The following SIPA1 variants were observed in gnomAD, a reference collection of about 807,000 sequenced individuals.
SIPA1 encodes signal-induced proliferation-associated protein 1.
In SIPA1, 51 loss-of-function variants were observed where a neutral mutation model predicts 88.1. That is an observed-to-expected ratio of 0.58 (90% CI 0.46 to 0.73). SIPA1 has a LOEUF of 0.73. Ranked by LOEUF, SIPA1 falls within the 30% of genes least tolerant of loss-of-function variation. SIPA1 has a pLI of 0.00. For missense variants in SIPA1, 1,348 were observed against 1,467.6 expected (o/e 0.92, Z 1.33); for synonymous variants, 681 against 664.8 (o/e 1.02, Z -0.37).
Position 65,650,692 on chromosome 11 carries a change from T to G in SIPA1, c.3106T>G (p.Ser1036Ala), listed in dbSNP as rs1319225623. The G allele has an allele frequency of 6.3e-7, 1 of 1,580,958 alleles. No individual in the cohort carries two copies. The highest frequency in any genetic ancestry group is 1.3e-5 in the African/African-American group (1 of 74,308). Reference sequence around the variant, plus strand: ...CCTCCTGGCCTCCAAGCAGCTGGGCTCACCCACCGCCGACCTGGCCTGAGC... The same window carrying G: ...CCTCCTGGCCTCCAAGCAGCTGGGCGCACCCACCGCCGACCTGGCCTGAGC... ...RLLLASKQLG[S>A]PTADLA Residue 1036 changes from serine to alanine, a missense_variant, in exon 16 of 16, where the codon TCA (serine) becomes GCA (alanine). By Grantham distance (99) the Ser-to-Ala change is moderately conservative. Around this residue, in one of 4 missense-constraint regions of SIPA1, gnomAD observed 615 missense variants for 559.8 expected, o/e 1.10. Transcript: ENST00000534313.
At position 65,645,125 on chromosome 11, in the gene SIPA1, C is replaced by G. The variant is rs775402420; in HGVS notation, c.1155C>G (p.Thr385=). 6.2e-7 allele frequency: 1 copy of G among 1,613,030 alleles called. No individual in the cohort carries two copies. Among genetic ancestry groups the G allele is most frequent in the African/African-American group, 1.3e-5 (1 of 74,868 alleles). Reference sequence around the variant, plus strand: ...AGAGTTACCGGGCCCAGCTAGACACCAAAAGTGAGGCCCAGGGGCAGGAGG... The same window carrying G: ...AGAGTTACCGGGCCCAGCTAGACACGAAAAGTGAGGCCCAGGGGCAGGAGG... ...GFESYRAQLD[T]KTDSTGTHSL... The change falls in exon 5 of 16, where the codon ACC becomes ACG. Residue 385 remains threonine, a synonymous_variant. Coordinates refer to ENST00000534313, the MANE Select transcript of SIPA1 (RefSeq NM_006747.4).
chr11:65,642,269 G>C lies in SIPA1; in HGVS notation c.699G>C (p.Gly233=), dbSNP rs957618116. The C allele has an allele frequency of 6.4e-7, 1 of 1,555,486 alleles. No homozygotes were observed. The highest frequency in any genetic ancestry group is 1.2e-5 in the South Asian group (1 of 84,292). The change falls in exon 3 of 16, where the codon GGG becomes GGC. Residue 233 remains glycine, a synonymous_variant. Transcript: ENST00000534313. The surrounding 1 kb of genome is among the most constrained non-coding windows in gnomAD (Gnocchi z 6.5). ...FYGKEHQNFF[G]MDESLGPVAV... The stretch of plus-strand genomic sequence containing the variant: ...CCCCAGAACATCAGAACTTCTTCGG[G>C]ATGGACGAGTCGCTGGGCCCGGTGG...
In SIPA1 at chr11:65,642,245, C is replaced by G. The variant is rs1436746889; in HGVS notation, c.680-5C>G. 6.4e-7 allele frequency: 1 copy of G among 1,551,468 alleles called. No homozygotes were observed. Among genetic ancestry groups the G allele is most frequent in the East Asian group, 2.4e-5 (1 of 41,270 alleles). On this transcript the variant is annotated splice_region_variant and splice_polypyrimidine_tract_variant and intron_variant, in intron 2 of 15. Coordinates refer to ENST00000534313, the MANE Select transcript of SIPA1 (RefSeq NM_006747.4). This position sits in a 1 kb window ranked among gnomAD's most constrained non-coding sequence, Gnocchi z 6.5. ...CCAATCGTTTTCTTCGGCGCGGTCC[C>G]CCAGAACATCAGAACTTCTTCGGGA... is the stretch of plus-strand genomic sequence containing the variant.
At chr11:65,647,974 C>G (rs910660443) in intron 9 of SIPA1, among the ~76,000 whole-genome samples, 1 of 151,916 alleles carries the variant, frequency 6.6e-6, no homozygotes, top group Admixed American at 6.6e-5. Flanking sequence ...CAGGTTCAAG[C>G]AGTTCTCCTG....
Position 65,646,678 on chromosome 11 carries a change from G to A in SIPA1, c.1644G>A (p.Ser548=). 6.5e-7 allele frequency: 1 copy of A among 1,543,568 alleles called. No homozygotes were observed. ...CCACCAACGAGGTGACCACTACGTC[G>A]CTGGACTCGGCTTCACGCTTCGGCC... ...DLATNEVTTT[S]LDSASRFGLP... The change falls in exon 8 of 16, where the codon TCG becomes TCA. Residue 548 remains serine (S), a synonymous_variant. Transcript: ENST00000534313. The surrounding 1 kb of genome is among the most constrained non-coding windows in gnomAD (Gnocchi z 7.5).
chr11:65,642,526 T>C lies in SIPA1; in HGVS notation c.871T>C (p.Ser291Pro), dbSNP rs760548783. ...GCCGCCGGGGCCCCCACGGGGTCTG[T>C]CCCCAAGGAAACTTCTGGAGCACGT... ...ALPPGPPRGL[S>P]PRKLLEHVAP... The change falls in exon 4 of 16, where the codon TCC becomes CCC. Residue 291 changes from serine to proline, a missense_variant. Physicochemically the swap from Ser to Pro is moderately conservative, Grantham distance 74. This residue lies in a region of SIPA1 where 641 missense variants were observed against 797.7 expected (regional missense o/e 0.80). Coordinates refer to ENST00000534313, the MANE Select transcript of SIPA1 (RefSeq NM_006747.4). The surrounding 1 kb of genome is among the most constrained non-coding windows in gnomAD (Gnocchi z 6.5). The C allele has an allele frequency of 3.4e-5, 55 of 1,608,684 alleles. No homozygotes were observed. Among genetic ancestry groups the C allele is most frequent in the Non-Finnish European group, 8.5e-7 (1 of 1,179,296 alleles).
In SIPA1 at chr11:65,640,974, C is replaced by T. The variant is rs373617916; in HGVS notation, c.53C>T (p.Ala18Val). ...AGCCCTCGGCGGGGCATGGCCCCTGCGTCCACAGATGACCTCTTTGCCCGC... is the reference window on the plus strand; with the variant it reads ...AGCCCTCGGCGGGGCATGGCCCCTGTGTCCACAGATGACCTCTTTGCCCGC... ...VGSPRRGMAP[A>V]STDDLFARKL... The change falls in exon 2 of 16, where the codon GCG becomes GTG. Residue 18 changes from alanine (A) to valine (V), a missense_variant. Coordinates refer to ENST00000534313, the MANE Select transcript of SIPA1 (RefSeq NM_006747.4). 3.4e-5 allele frequency: 54 copies of T among 1,574,328 alleles called. No individual in the cohort carries two copies. The South Asian group carries it at 4.2e-4, about 12-fold the overall frequency.
rs1855990363 is a variant in SIPA1 at position 65,641,008 on chromosome 11, C to G, written c.87C>G (p.Arg29=). The change falls in exon 2 of 16, where the codon CGC becomes CGG. Residue 29 remains arginine, a synonymous_variant. Coordinates refer to ENST00000534313, the MANE Select transcript of SIPA1 (RefSeq NM_006747.4). ...STDDLFARKL[R]QPARPPLTPH... is the part of the protein sequence containing the mutation. ...ATGACCTCTTTGCCCGCAAGCTGCG[C>G]CAGCCAGCAAGGCCCCCGCTGACAC... is the stretch of plus-strand genomic sequence containing the variant. The G allele has an allele frequency of 6.3e-7, 1 of 1,590,640 alleles. No homozygotes were observed. Among genetic ancestry groups the G allele is most frequent in the Non-Finnish European group, 8.5e-7 (1 of 1,174,016 alleles).
chr11:65,644,346 T>G (rs1482077282), intron 4 of SIPA1, among the ~76,000 whole-genome samples: 1 of 145,554 alleles, frequency 6.9e-6, no homozygotes, highest in African/African-American at 2.6e-5. Flanking sequence ...CACCTATGGC[T>G]GAGAGGGTAC....
In SIPA1 at chr11:65,650,714, G is replaced by GAGCC; in HGVS notation, c.3129_*3dup. The GAGCC allele has an allele frequency of 6.4e-7, 1 of 1,570,782 alleles. No individual in the cohort carries two copies. Among genetic ancestry groups the GAGCC allele is most frequent in the Non-Finnish European group, 8.6e-7 (1 of 1,158,206 alleles). ...GGCTCACCCACCGCCGACCTGGCCT[G>GAGCC]AGCCGTCTGGAACCACCTGGGCCCC... On this transcript the variant is annotated frameshift_variant and stop_retained_variant, in exon 16 of 16. Coordinates refer to ENST00000534313, the MANE Select transcript of SIPA1 (RefSeq NM_006747.4). LOFTEE classifies it high-confidence loss of function.
rs145098898 is a variant in SIPA1, at chr11:65,650,630, G to T, written c.3044G>T (p.Arg1015Leu). The stretch of plus-strand genomic sequence containing the variant: ...CGGAGCCTGAGACACAACAACCGGC[G>T]GCTGCAGGCGGAGTCTGAGAGTGCA... Reference protein sequence around the residue: ...EVRSLRHNNRRLQAESESAAT... With the variant: ...EVRSLRHNNRLLQAESESAAT... The change falls in exon 16 of 16, where the codon CGG becomes CTG. Residue 1015 changes from arginine (R) to leucine (L), a missense_variant. Physicochemically the swap from Arg to Leu is moderately radical, Grantham distance 102 (BLOSUM62 -2). Transcript: ENST00000534313. 2,534 of 1,573,542 alleles carry T rather than the reference G, an allele frequency of 1.6e-3. 4 individuals are homozygous for T. Among genetic ancestry groups the T allele is most frequent in the Non-Finnish European group, 2.1e-3 (2,423 of 1,159,482 alleles).
intron 14 of SIPA1, 101 bp from the exon 15 acceptor site, chr11:65,650,300 T>C: frequency 6.5e-7 from 1 of 1,536,270 alleles, no homozygotes. Flanking sequence ...CACATATGCC[T>C]AGAAGACCAG....
chr11:65,646,803 G>A lies in SIPA1; in HGVS notation c.1769G>A (p.Gly590Glu). 1 of 1,292,118 alleles carries A rather than the reference G, an allele frequency of 7.7e-7. No homozygotes were observed. Among genetic ancestry groups the A allele is most frequent in the Non-Finnish European group, 9.8e-7 (1 of 1,022,158 alleles). The allele number at this position is 1,292,118 out of a possible 1,614,324, so 80.0% of individuals were successfully genotyped here. A position where few individuals can be genotyped will look rare whatever the true frequency, so the allele number is the denominator to read the frequency against. The change falls in exon 8 of 16, where the codon GGG becomes GAG. Residue 590 changes from glycine (G) to glutamate (E), a missense_variant. Transcript: ENST00000534313. The surrounding 1 kb of genome is among the most constrained non-coding windows in gnomAD (Gnocchi z 7.5). The stretch of plus-strand genomic sequence containing the variant: ...GTGTGGGGAGTGCGCGCGGCGCCCG[G>A]GGCGCGGGTCGCCGCCGGGGCTCAG... ...SLVWGVRAAP[G>E]ARVAAGAQAS...
At chr11:65,647,856 C>CCT (rs10652518) in intron 9 of SIPA1, among the ~76,000 whole-genome samples, 198 bp downstream of exon 9, 1 of 147,088 alleles carries the variant, frequency 6.8e-6, no homozygotes, top group African/African-American at 2.4e-5. Context: ...GTCCTTCCTT[C>CCT]CTCTCTCTCT....
intron 14 of SIPA1, 23 bp from the exon 15 acceptor site, chr11:65,650,378 A>T (rs1282913626): frequency 1.2e-6 from 2 of 1,611,626 alleles, no homozygotes; most frequent in African/African-American, 2.7e-5. Context: ...GGTCCTGCTG[A>T]GTCTTGACCC....
chr11:65,645,734 C>T (rs952241344), intron 5 of SIPA1, 120 bp from the exon 6 acceptor site: 4 of 635,964 alleles, frequency 6.3e-6, no homozygotes, highest in Non-Finnish European at 1.1e-5. Context: ...GGTGGCATGA[C>T]TGGTTGTCCA....
rs1856115651 is a variant in SIPA1 at position 65,646,394 on chromosome 11, G to A, written c.1421+16G>A. On this transcript the variant is annotated intron_variant, in intron 7 of 15. Transcript: ENST00000534313. This position sits in a 1 kb window ranked among gnomAD's most constrained non-coding sequence, Gnocchi z 7.5. ...CCACCTACAGGTGGGCACCGGAGTGGTCCCAGGTCTCCCGTGGGCATGGAG... is the reference window on the plus strand; with the variant it reads ...CCACCTACAGGTGGGCACCGGAGTGATCCCAGGTCTCCCGTGGGCATGGAG... The A allele has an allele frequency of 2.5e-6, 4 of 1,605,746 alleles. No individual in the cohort carries two copies. Among genetic ancestry groups the A allele is most frequent in the South Asian group, 1.1e-5 (1 of 91,044 alleles).
At position 65,641,478 on chromosome 11, in the gene SIPA1, C is replaced by G. The variant is rs1424975287; in HGVS notation, c.557C>G (p.Pro186Arg). The change falls in exon 2 of 16, where the codon CCC becomes CGC. Residue 186 changes from proline to arginine, a missense_variant. Pro to Arg is a moderately radical substitution (Grantham distance 103). This residue lies in a region of SIPA1 where 641 missense variants were observed against 797.7 expected (regional missense o/e 0.80). Coordinates refer to ENST00000534313, the MANE Select transcript of SIPA1 (RefSeq NM_006747.4). ...GLGGPASPPV[P>R]PALPNAAVSI... ...GGTGGACCAGCATCCCCACCTGTGC[C>G]CCCTGCACTGCCCAACGCGGCCGTG... 1 of 1,612,266 alleles carries G rather than the reference C, an allele frequency of 6.2e-7. No individual in the cohort carries two copies. Among genetic ancestry groups the G allele is most frequent in the Middle Eastern group, 1.7e-4 (1 of 5,984 alleles).
rs1437955895 is a variant in SIPA1 at position 65,646,075 on chromosome 11, T to G, written c.1263+118T>G. On this transcript the variant is annotated intron_variant, in intron 6 of 15. Transcript: ENST00000534313. This position sits in a 1 kb window ranked among gnomAD's most constrained non-coding sequence, Gnocchi z 7.5. ...TGGCCCCAACAGCCCGCCCCTCTGGTGGCCCCTTCCCAAAGACAGAAACAC... is the reference window on the plus strand; with the variant it reads ...TGGCCCCAACAGCCCGCCCCTCTGGGGGCCCCTTCCCAAAGACAGAAACAC... 5 of 1,265,584 alleles carry G rather than the reference T, an allele frequency of 4.0e-6. No individual in the cohort carries two copies. The highest frequency in any genetic ancestry group is 5.6e-6 in the Non-Finnish European group (5 of 894,768). The allele number at this position is 1,265,584 out of a possible 1,614,324, so 78.4% of individuals were successfully genotyped here.
Sources: gnomAD v4.1 joint callset for allele counts (sites outside exome capture counted in the v4.1 genomes callset) on GRCh38, gnomAD v4.1.1 for gene constraint, gnomAD v4.1.1 regional missense constraint, Gnocchi (gnomAD v3.1) non-coding constraint, MANE v1.5 for transcripts, NCBI Gene and HGNC (gene_info 2026-07-23, HGNC 2026-07-21) for gene names.